GRID1: variants seen among roughly 807,000 people sequenced by gnomAD.
The protein encoded by GRID1 is glutamate ionotropic receptor delta type subunit 1.
In GRID1, 28 loss-of-function variants were observed where a neutral mutation model predicts 98.0. That is an observed-to-expected ratio of 0.29 (90% confidence interval 0.21 to 0.39). The LOEUF is 0.39. Ranked by LOEUF, GRID1 falls within the 10% of genes least tolerant of loss-of-function variation. The pLI is 1.00. For synonymous variants in GRID1, 553 were observed against 538.5 expected (o/e 1.03, Z -0.37); for missense variants, 1,111 against 1,340.5 (o/e 0.83, Z 2.67).
chr10:86,317,078 C>A (rs1465922590), intron 2 of GRID1, among the ~76,000 whole-genome samples: 1 of 152,212 alleles, frequency 6.6e-6, no homozygotes, highest in Non-Finnish European at 1.5e-5. Flanking sequence ...ATCTGAATCC[C>A]CTCAGAAGAG....
At chr10:86,100,938 C>T (rs930411086) in intron 4 of GRID1, among the ~76,000 whole-genome samples, 1 of 152,156 alleles carries the variant, frequency 6.6e-6, no homozygotes, top group African/African-American at 2.4e-5. Context: ...GCATGAGATG[C>T]TGGATTCCAG....
chr10:85,772,508 C>T (rs1842282291), intron 8 of GRID1, among the ~76,000 whole-genome samples: 1 of 151,858 alleles, frequency 6.6e-6, no homozygotes, highest in African/African-American at 2.4e-5. Context: ...CACAAAAAAC[C>T]CTTCAAAAAA....
At chr10:86,363,391 T>C (rs1484970515) in intron 2 of GRID1, among the ~76,000 whole-genome samples, 2 of 152,138 alleles carry the variant, frequency 1.3e-5, no homozygotes, top group African/African-American at 4.8e-5. Context: ...CCAAACCTGG[T>C]GGAGGAGCGC....
At chr10:86,294,102 G>A (rs573105006) in intron 2 of GRID1, among the ~76,000 whole-genome samples, 33 of 152,172 alleles carry the variant, frequency 2.2e-4, no homozygotes, top group African/African-American at 7.7e-4. Flanking sequence ...GGAGGAGTAT[G>A]GAGAGGAGGC....
chr10:86,043,027 G>C, intron 4 of GRID1, among the ~76,000 whole-genome samples: 1 of 152,066 alleles, frequency 6.6e-6, no homozygotes, highest in South Asian at 2.1e-4. Context: ...CAAGGCAGCA[G>C]CGAGCCGAGA....
chr10:85,672,516 CA>C (rs1841098122), intron 12 of GRID1, among the ~76,000 whole-genome samples: 1 of 152,104 alleles, frequency 6.6e-6, no homozygotes, highest in African/African-American at 2.4e-5. Flanking sequence ...CCATGTTGGT[CA>C]GGATGGTCTT....
intron 12 of GRID1, among the ~76,000 whole-genome samples, chr10:85,648,582 C>T (rs766326717): frequency 1.1e-4 from 16 of 152,174 alleles, no homozygotes; most frequent in Admixed American, 5.2e-4. Context: ...CTCCATCTTC[C>T]GGTCTCATCT....
chr10:86,072,595 C>A (rs1246178263), intron 4 of GRID1, among the ~76,000 whole-genome samples: 2 of 152,262 alleles, frequency 1.3e-5, no homozygotes, highest in South Asian at 2.1e-4. Flanking sequence ...AAGATGAATT[C>A]TTTCCAAATT....
intron 8 of GRID1, among the ~76,000 whole-genome samples, chr10:85,779,654 A>C (rs1378587024): frequency 6.6e-6 from 1 of 152,108 alleles, no homozygotes; most frequent in African/African-American, 2.4e-5. Context: ...TATCCACTCT[A>C]CAAGCAGAAA....
At chr10:85,626,892 G>C (rs1318792859) in intron 13 of GRID1, among the ~76,000 whole-genome samples, 2 of 152,192 alleles carry the variant, frequency 1.3e-5, no homozygotes, top group Admixed American at 1.3e-4. Context: ...ATTTGGTGGG[G>C]AGAATTGAAT....
chr10:85,862,402 A>G (rs576063733), intron 6 of GRID1, among the ~76,000 whole-genome samples: 1 of 152,360 alleles, frequency 6.6e-6, no homozygotes, highest in South Asian at 2.1e-4. Context: ...GGTGGTGGAT[A>G]GAGGCTGCTG....
chr10:86,089,403 G>A (rs1844111520), intron 4 of GRID1, among the ~76,000 whole-genome samples: 1 of 152,054 alleles, frequency 6.6e-6, no homozygotes, highest in Non-Finnish European at 1.5e-5. Flanking sequence ...ACCCTCATTT[G>A]ACAATAATGA....
In GRID1 at chr10:86,206,783, C is replaced by A; in HGVS notation, c.236-135G>T. ...GGCTGCCTCCCTCCAGGACCAAGAA[C>A]CATCCTGGGCAGGCCAGTGGCTCTC... On this transcript the variant is annotated intron_variant, in intron 2 of 15. Transcript: ENST00000327946. The surrounding 1 kb of genome is among the most constrained non-coding windows in gnomAD (Gnocchi z 4.1). The A allele has an allele frequency of 4.1e-6, 3 of 731,062 alleles. No individual in the cohort carries two copies. The highest frequency in any genetic ancestry group is 6.6e-6 in the Non-Finnish European group (3 of 452,678). The allele number at this position is 731,062 out of a possible 1,614,324, so 45.3% of individuals were successfully genotyped here. A position where few individuals can be genotyped will look rare whatever the true frequency, so the allele number is the denominator to read the frequency against.
At chr10:85,838,150 T>C (rs564600692) in intron 8 of GRID1, among the ~76,000 whole-genome samples, 1 of 152,016 alleles carries the variant, frequency 6.6e-6, no homozygotes, top group African/African-American at 2.4e-5. Flanking sequence ...CATCAAGAAA[T>C]ATGGGATTAT....
chr10:86,018,195 G>A (rs1843003596), intron 4 of GRID1, among the ~76,000 whole-genome samples: 1 of 152,254 alleles, frequency 6.6e-6, no homozygotes, highest in African/African-American at 2.4e-5. Flanking sequence ...ATGCACCGCA[G>A]CCTTCTGATG....
At chr10:85,647,695 C>T (rs1843213826) in intron 12 of GRID1, 1 of 316,354 alleles carries the variant, frequency 3.2e-6, no homozygotes, top group East Asian at 5.6e-5. Context: ...ATGATTCCTG[C>T]CTTCAAGGAG....
chr10:85,684,154 C>A (rs1305179317), intron 12 of GRID1, among the ~76,000 whole-genome samples: 1 of 152,170 alleles, frequency 6.6e-6, no homozygotes, highest in East Asian at 1.9e-4. Context: ...CTATAATGGA[C>A]TATGAAGCAA....
At chr10:86,307,789 T>C (rs1412355567) in intron 2 of GRID1, among the ~76,000 whole-genome samples, 2 of 152,234 alleles carry the variant, frequency 1.3e-5, no homozygotes, top group Non-Finnish European at 2.9e-5. Flanking sequence ...CACCATGTTG[T>C]ACACCTTAAA....
chr10:86,347,381 C>T (rs1321688884), intron 2 of GRID1, among the ~76,000 whole-genome samples: 1 of 152,170 alleles, frequency 6.6e-6, no homozygotes, highest in African/African-American at 2.4e-5. Context: ...ACTCTCAGTC[C>T]AGGGACTGGG....
Sources: allele counts gnomAD v4.1 joint callset (sites outside exome capture counted in the v4.1 genomes callset), GRCh38; gene constraint gnomAD v4.1.1; non-coding constraint Gnocchi (gnomAD v3.1); transcripts MANE v1.5; gene names NCBI Gene and HGNC (gene_info 2026-07-23, HGNC 2026-07-21).